TECRL: variants seen among roughly 807,000 people sequenced by gnomAD.
The protein encoded by TECRL is trans-2,3-enoyl-CoA reductase like, also known as trans-2,3-enoyl-CoA reductase-like.
TECRL carries 63 observed loss-of-function variants against 52.8 expected under a neutral mutation model. The observed-to-expected ratio is 1.19, with a 90% CI of 0.97 to 1.47. The LOEUF is 1.47. TECRL is among the 40% of genes most tolerant of loss of function. The pLI is 0.00. For synonymous variants in TECRL, 164 were observed against 141.9 expected (o/e 1.16, Z -1.10); for missense variants, 482 against 429.6 (o/e 1.12, Z -1.08).
In TECRL at chr4:64,365,543, C is replaced by T. The variant is rs1276140380; in HGVS notation, c.286+9629G>A. 2.0e-5 allele frequency among the ~76,000 whole-genome samples: 3 copies of T among 152,012 alleles called. No individual in the cohort carries two copies. In the South Asian group the frequency reaches 6.2e-4, roughly 31 times the overall value. ...AACCACCTCAGCAAATTTTACAATA[C>T]AAAACCAATGTACAATAATCAGTAA... On this transcript the variant is annotated intron_variant, in intron 2 of 11. Transcript: ENST00000381210.
chr4:64,327,238 C>T (rs758807167), intron 3 of TECRL, among the ~76,000 whole-genome samples: 1 of 151,990 alleles, frequency 6.6e-6, no homozygotes, highest in South Asian at 2.1e-4. Context: ...TTTTTAAGGA[C>T]ACTGCGACAA....
chr4:64,339,441 T>TAA (rs1252708751), intron 2 of TECRL, among the ~76,000 whole-genome samples: 5 of 150,800 alleles, frequency 3.3e-5, no homozygotes, highest in Non-Finnish European at 7.4e-5. Context: ...TAAAGTATAA[T>TAA]AAAAATATAT....
chr4:64,358,186 T>C (rs1236549948), intron 2 of TECRL, among the ~76,000 whole-genome samples: 1 of 151,816 alleles, frequency 6.6e-6, no homozygotes, highest in Non-Finnish European at 1.5e-5. Flanking sequence ...AACGTTAAAA[T>C]GAGCTTATTT....
chr4:64,407,866 C>T (rs1446871564), intron 1 of TECRL, among the ~76,000 whole-genome samples: 1 of 150,260 alleles, frequency 6.7e-6, no homozygotes, highest in Non-Finnish European at 1.5e-5. Context: ...AATCTCAAAA[C>T]TTCACCTTGA....
At chr4:64,399,546 A>C (rs942225499) in intron 1 of TECRL, among the ~76,000 whole-genome samples, 1 of 152,170 alleles carries the variant, frequency 6.6e-6, no homozygotes, top group African/African-American at 2.4e-5. Flanking sequence ...AGCCCCTCCC[A>C]CCAGAAGCCC....
chr4:64,347,588 G>A (rs1405266127), intron 2 of TECRL, among the ~76,000 whole-genome samples: 1 of 152,140 alleles, frequency 6.6e-6, no homozygotes, highest in African/African-American at 2.4e-5. Context: ...AGGCAAAGGG[G>A]AAGCAGGCAC....
At chr4:64,341,988 G>T (rs28482872) in intron 2 of TECRL, among the ~76,000 whole-genome samples, 4,518 of 152,208 alleles carry the variant, frequency 0.03, 107 homozygotes, top group African/African-American at 0.065. Context: ...CGAGGTGTGG[G>T]ATCCGGGCCA....
chr4:64,349,065 C>A (rs115362993), intron 2 of TECRL, among the ~76,000 whole-genome samples: 4,430 of 127,058 alleles, frequency 0.035, no homozygotes, highest in Non-Finnish European at 0.047. Context: ...TTGGAAATTA[C>A]AAAAAAAAAA....
At chr4:64,349,345 C>T (rs1486147829) in intron 2 of TECRL, among the ~76,000 whole-genome samples, 1 of 151,914 alleles carries the variant, frequency 6.6e-6, no homozygotes, top group Non-Finnish European at 1.5e-5. Context: ...GTAGGCCAGG[C>T]TGGTCTCAAA....
intron 2 of TECRL, among the ~76,000 whole-genome samples, chr4:64,368,492 C>T (rs964597828): frequency 2.0e-5 from 3 of 152,136 alleles, no homozygotes; most frequent in Middle Eastern, 3.4e-3. Context: ...GACGGGGTTT[C>T]GCCCTGTTGA....
At chr4:64,285,097 G>A (rs1723016219) in intron 9 of TECRL, among the ~76,000 whole-genome samples, 1 of 151,978 alleles carries the variant, frequency 6.6e-6, no homozygotes, top group African/African-American at 2.4e-5. Context: ...AATAATAATT[G>A]GAATATATAT....
chr4:64,314,900 A>T, intron 4 of TECRL, 137 bp from the exon 5 acceptor site: 1 of 658,114 alleles, frequency 1.5e-6, no homozygotes, highest in East Asian at 2.8e-5. Flanking sequence ...TGATATTGCA[A>T]ATAACGACTT....
At chr4:64,297,093 A>T (rs1469275557) in intron 8 of TECRL, among the ~76,000 whole-genome samples, 1 of 151,568 alleles carries the variant, frequency 6.6e-6, no homozygotes, top group African/African-American at 2.4e-5. Flanking sequence ...ACCTGATTTT[A>T]CAACATATTA....
chr4:64,302,729 G>T (rs1035366642), intron 7 of TECRL, among the ~76,000 whole-genome samples: 4 of 151,178 alleles, frequency 2.6e-5, no homozygotes, highest in Admixed American at 6.6e-5. Context: ...GGTTTAATGT[G>T]GCAAAGTAAG....
chr4:64,311,840 A>G (rs1334667181), intron 5 of TECRL, among the ~76,000 whole-genome samples: 3 of 152,118 alleles, frequency 2.0e-5, no homozygotes, highest in African/African-American at 7.2e-5. Flanking sequence ...CTTTTTCCCA[A>G]CCAAAGTATT....
chr4:64,382,977 G>A (rs959758215), intron 1 of TECRL, among the ~76,000 whole-genome samples: 1 of 151,874 alleles, frequency 6.6e-6, no homozygotes, highest in African/African-American at 2.4e-5. Flanking sequence ...TCAGTCTTGT[G>A]GTAATGATTT....
chr4:64,306,852 C>T (rs1460975429), intron 6 of TECRL, among the ~76,000 whole-genome samples: 2 of 152,210 alleles, frequency 1.3e-5, no homozygotes, highest in South Asian at 2.1e-4. Context: ...GAGGGATGCT[C>T]ACCAAGCCCC....
intron 2 of TECRL, among the ~76,000 whole-genome samples, chr4:64,356,723 TA>T (rs1560525484): frequency 4.1e-4 from 1 of 2,452 alleles, no homozygotes; most frequent in Admixed American, 8.1e-3. Flanking sequence ...ACCAATGCGT[TA>T]GCAGGTCCTC....
intron 1 of TECRL, among the ~76,000 whole-genome samples, chr4:64,400,448 A>G (rs988994389): frequency 3.3e-5 from 5 of 152,122 alleles, no homozygotes; most frequent in African/African-American, 1.2e-4. Context: ...TTGGGGGATT[A>G]TTGGGAAGGC....
Sources: gnomAD v4.1 joint callset for allele counts (sites outside exome capture counted in the v4.1 genomes callset) on GRCh38, gnomAD v4.1.1 for gene constraint, MANE v1.5 for transcripts, NCBI Gene and HGNC (gene_info 2026-07-23, HGNC 2026-07-21) for gene names.